MEG3: variants seen among roughly 807,000 people sequenced by gnomAD.
The protein encoded by MEG3 is Very putative protein from MEG3 locus.
intron 2 of MEG3, among the ~76,000 whole-genome samples, chr14:100,839,805 G>A (rs1393529831): frequency 6.6e-6 from 1 of 152,194 alleles, no homozygotes. Context: ...GCCGGATCCA[G>A]CAGACATGGA....
intron 2 of MEG3, among the ~76,000 whole-genome samples, chr14:100,842,950 C>G (rs1191341626): frequency 2.0e-5 from 3 of 152,166 alleles, no homozygotes; most frequent in African/African-American, 7.2e-5. Context: ...TTCTTTGGTT[C>G]CAGACAGTGA....
intron 2 of MEG3, among the ~76,000 whole-genome samples, chr14:100,841,075 CA>C (rs1288306670): frequency 6.6e-6 from 1 of 152,194 alleles, no homozygotes; most frequent in African/African-American, 2.4e-5. Context: ...GGATGGTGGG[CA>C]GCTGCGAGAG....
chr14:100,845,378 C>A lies in MEG3; in HGVS notation n.3046-80C>A. Reference sequence around the variant, plus strand: ...GGCCACCCCTGCCCGCCCCCCAGAGCTGTTGTCCTCATCCGCCCTCCTCCT... The same window carrying A: ...GGCCACCCCTGCCCGCCCCCCAGAGATGTTGTCCTCATCCGCCCTCCTCCT... On this transcript the variant is annotated intron_variant and non_coding_transcript_variant, in intron 2 of 3. Transcript: ENST00000398461. The surrounding 1 kb of genome is among the most constrained non-coding windows in gnomAD (Gnocchi z 5.2). 2.5e-6 allele frequency: 1 copy of A among 403,658 alleles called. No homozygotes were observed. Among genetic ancestry groups the A allele is most frequent in the Admixed American group, 2.7e-5 (1 of 37,394 alleles). 25.0% of individuals were successfully genotyped at this position (403,658 alleles called of 1,614,324 possible). A position where few individuals can be genotyped will look rare whatever the true frequency, so the allele number is the denominator to read the frequency against.
upstream of MEG3, chr14:100,853,053 G>C (rs375225721): frequency 1.3e-5 from 2 of 152,504 alleles, no homozygotes; most frequent in East Asian, 1.9e-4. Flanking sequence ...ATTCGGGATA[G>C]GGTTCCTAAT....
chr14:100,843,237 A>G (rs1433158749), intron 2 of MEG3, among the ~76,000 whole-genome samples: 1 of 152,226 alleles, frequency 6.6e-6, no homozygotes, highest in African/African-American at 2.4e-5. Flanking sequence ...TTAAAAACAC[A>G]AAAAAGAACA....
At chr14:100,852,584 C>A, upstream of MEG3, 1 of 362,446 alleles carries the variant, frequency 2.8e-6, no homozygotes, top group South Asian at 2.0e-5. Context: ...TGAAGCTTCT[C>A]CCTGACAAGC....
At chr14:100,860,802 C>T (rs778690778) in exon 2 of MEG3, 23 of 432,568 alleles carry the variant, frequency 5.3e-5, no homozygotes, top group Middle Eastern at 3.5e-4. Flanking sequence ...GACTGATGGA[C>T]GCCGCTGACC....
intron 3 of MEG3, chr14:100,851,976 C>G: frequency 5.0e-6 from 1 of 198,274 alleles, no homozygotes; most frequent in Non-Finnish European, 1.1e-5. Context: ...GTTGACCTCT[C>G]AATTCCTATT....
intron 2 of MEG3, among the ~76,000 whole-genome samples, chr14:100,838,088 G>GATCCT (rs983040912): frequency 2.0e-5 from 3 of 152,042 alleles, no homozygotes; most frequent in African/African-American, 7.3e-5. Flanking sequence ...GTCCTGGGGG[G>GATCCT]ATCCTGTCCC....
At chr14:100,835,986 C>T in intron 1 of MEG3, 1 of 342,878 alleles carries the variant, frequency 2.9e-6, no homozygotes, top group Non-Finnish European at 5.6e-6. Flanking sequence ...TTGGGGCTGC[C>T]CCTAACCCAG....
At chr14:100,826,976 G>A (rs2037251857) in intron 1 of MEG3, among the ~76,000 whole-genome samples, 1 of 151,822 alleles carries the variant, frequency 6.6e-6, no homozygotes, top group Non-Finnish European at 1.5e-5. Flanking sequence ...GATGCAGGGG[G>A]TGGGTTGGGG....
chr14:100,839,447 G>A (rs1056296257), intron 2 of MEG3, among the ~76,000 whole-genome samples: 1 of 152,214 alleles, frequency 6.6e-6, no homozygotes, highest in Non-Finnish European at 1.5e-5. Flanking sequence ...TAGAAAAGAG[G>A]TGTACCTTTT....
rs188518274 is a variant in MEG3, at chr14:100,843,675, A to G, written n.3046-1783A>G. ...GGTCTTGGACATCCTGGCTGGAGACATGACTAGGAATAGAGAGGCAGAGGC... is the reference window on the plus strand; with the variant it reads ...GGTCTTGGACATCCTGGCTGGAGACGTGACTAGGAATAGAGAGGCAGAGGC... On this transcript the variant is annotated intron_variant and non_coding_transcript_variant, in intron 2 of 3. Coordinates refer to the MEG3 transcript ENST00000398461. Among the ~76,000 whole-genome samples, 65 of 152,152 alleles carry G rather than the reference A, an allele frequency of 4.3e-4. No homozygotes were observed. The East Asian group carries it at 0.011, about 26-fold the overall frequency.
At chr14:100,843,390 A>G (rs2037816435) in intron 2 of MEG3, among the ~76,000 whole-genome samples, 2 of 151,228 alleles carry the variant, frequency 1.3e-5, no homozygotes, top group South Asian at 4.2e-4. Context: ...AGCCACGCAC[A>G]GTCTCGGAGG....
downstream of MEG3, chr14:100,832,099 C>G (rs1236039909): frequency 7.4e-6 from 1 of 135,926 alleles, no homozygotes; most frequent in Non-Finnish European, 1.6e-5. Context: ...AATAACTAAA[C>G]AAAGACATTA....
At chr14:100,839,816 G>A (rs2037697624) in intron 2 of MEG3, among the ~76,000 whole-genome samples, 1 of 152,210 alleles carries the variant, frequency 6.6e-6, no homozygotes, top group African/African-American at 2.4e-5. Context: ...CAGACATGGA[G>A]AGACCCCTTA....
chr14:100,828,632 T>C (rs2037317010), intron 1 of MEG3: 1 of 150,704 alleles, frequency 6.6e-6, no homozygotes, highest in African/African-American at 2.5e-5. Context: ...TGCCCCCTTT[T>C]GCTCTCTGCT....
upstream of MEG3, chr14:100,854,340 G>A (rs1190911221): frequency 6.6e-6 from 1 of 152,192 alleles, no homozygotes; most frequent in East Asian, 1.9e-4. Flanking sequence ...ATGGCTTTCT[G>A]AAGAGACTGG....
chr14:100,848,280 A>C (rs1566734386), intron 3 of MEG3: 1 of 152,230 alleles, frequency 6.6e-6, no homozygotes, highest in Non-Finnish European at 1.5e-5. Context: ...TCACCTACTC[A>C]ACTAAGGAAC....
Sources: allele counts gnomAD v4.1 joint callset (sites outside exome capture counted in the v4.1 genomes callset), GRCh38; gene constraint gnomAD v4.1.1; non-coding constraint Gnocchi (gnomAD v3.1); transcripts MANE v1.5; gene names NCBI Gene and HGNC (gene_info 2026-07-23, HGNC 2026-07-21).